Variants in TMEM132B observed in about 807,000 individuals in gnomAD.
TMEM132B encodes the protein transmembrane protein 132B.
A neutral mutation model predicts 90.8 loss-of-function variants in TMEM132B; 18 were observed. The ratio of observed to expected loss-of-function variants is 0.20; its 90% CI spans 0.14 to 0.29. The LOEUF (loss-of-function observed/expected upper bound fraction) is 0.29. Ranked by LOEUF, TMEM132B falls within the 10% of genes least tolerant of loss-of-function variation. The pLI, the probability that TMEM132B is intolerant of heterozygous loss-of-function variation, is 1.00. For synonymous variants in TMEM132B, 504 were observed against 523.3 expected, an observed-to-expected ratio of 0.96 and a Z score of 0.50; for missense variants, 1,096 against 1,326.8, an observed-to-expected ratio of 0.83 and a Z score of 2.70.
chr12:125,264,760 C>A (rs1335806518), intron 1 of TMEM132B, among the ~76,000 whole-genome samples: 1 of 152,232 alleles, frequency 6.6e-6, no homozygotes, highest in Non-Finnish European at 1.5e-5. Context: ...GTCTGCTTCT[C>A]CTTCACCCCC....
intron 1 of TMEM132B, among the ~76,000 whole-genome samples, chr12:125,192,303 T>G (rs933273213): frequency 6.6e-5 from 10 of 152,216 alleles, no homozygotes; most frequent in African/African-American, 2.2e-4. Flanking sequence ...CTGGTGTGTC[T>G]GTCCCAGAGT....
rs1056433733 is a variant in TMEM132B at position 125,553,560 on chromosome 12, G to T, written c.1294-30291G>T. Among the ~76,000 whole-genome samples the T allele has an allele frequency of 7.9e-5, 12 of 152,320 alleles. No homozygotes were observed. In the South Asian group the frequency reaches 1.9e-3, roughly 24 times the overall value. On this transcript the variant is annotated intron_variant, in intron 4 of 8. Coordinates refer to ENST00000682704, the MANE Select transcript of TMEM132B (RefSeq NM_001366854.1). ...CCCTGGAAGTTGGATAGTTCACATT[G>T]GGTGGGGTCTGACGGAGGAAAGTCA... is the stretch of plus-strand genomic sequence containing the variant.
chr12:125,437,226 C>T (rs562338774), intron 3 of TMEM132B, among the ~76,000 whole-genome samples: 3 of 152,200 alleles, frequency 2.0e-5, no homozygotes, highest in Non-Finnish European at 4.4e-5. Context: ...CTTTCCCTGG[C>T]CTGCTCGTGG....
At chr12:125,562,149 G>A (rs2136797659) in intron 4 of TMEM132B, among the ~76,000 whole-genome samples, 1 of 152,298 alleles carries the variant, frequency 6.6e-6, no homozygotes, top group East Asian at 1.9e-4. Flanking sequence ...ATGTTACAAA[G>A]ACAGTTTATT....
At chr12:125,220,804 C>T (rs542627447) in intron 1 of TMEM132B, among the ~76,000 whole-genome samples, 2 of 152,350 alleles carry the variant, frequency 1.3e-5, no homozygotes, top group East Asian at 3.9e-4. Context: ...CATCCCTCCT[C>T]TGCTCCAAAC....
chr12:125,480,471 C>T (rs954987611), intron 3 of TMEM132B, among the ~76,000 whole-genome samples: 20 of 152,174 alleles, frequency 1.3e-4, no homozygotes, highest in African/African-American at 4.8e-4. Context: ...TCAGAGAATA[C>T]TATAAACACC....
At chr12:125,555,602 A>G (rs1884358133) in intron 4 of TMEM132B, among the ~76,000 whole-genome samples, 1 of 149,772 alleles carries the variant, frequency 6.7e-6, no homozygotes, top group Non-Finnish European at 1.5e-5. Context: ...ATTAGGAGAT[A>G]TACCTAATGT....
At chr12:125,302,257 A>G (rs1336948657) in intron 1 of TMEM132B, among the ~76,000 whole-genome samples, 1 of 151,574 alleles carries the variant, frequency 6.6e-6, no homozygotes, top group East Asian at 1.9e-4. Flanking sequence ...CCCAGCTACT[A>G]GGGAGGCTGA....
chr12:125,515,726 A>T (rs1477957362), intron 3 of TMEM132B, among the ~76,000 whole-genome samples: 2 of 151,908 alleles, frequency 1.3e-5, no homozygotes, highest in African/African-American at 4.8e-5. Context: ...ACGTTCTCAC[A>T]CACATTCACA....
In TMEM132B at chr12:125,209,234, G is replaced by A. The variant is rs754537599; in HGVS notation, c.67+22368G>A. 1.8e-4 allele frequency among the ~76,000 whole-genome samples: 28 copies of A among 152,318 alleles called. No homozygotes were observed. Among genetic ancestry groups the A allele is most frequent in the Admixed American group, 6.5e-4 (10 of 15,306 alleles). ...CTGAGCCTGGGTGCACACGAGGGCC[G>A]CTCTCTTTCTGTAAATGAATGTTGG... On this transcript the variant is annotated intron_variant, in intron 1 of 8. Transcript: ENST00000682704. The surrounding 1 kb of genome is among the most constrained non-coding windows in gnomAD (Gnocchi z 4.4).
intron 1 of TMEM132B, among the ~76,000 whole-genome samples, chr12:125,316,618 C>CTTTTTTTTATTTTTTTTTTTTTT (rs1555239077): frequency 6.6e-6 from 1 of 150,858 alleles, no homozygotes; most frequent in South Asian, 2.1e-4. Flanking sequence ...AGATGATTTT[C>CTTTTTTTTATTTTTTTTTTTTTT]AGCTGAGGTC....
rs1363896791 is a variant in TMEM132B at position 125,381,032 on chromosome 12, CAG to C, written c.959+30697_959+30698del. Among the ~76,000 whole-genome samples the C allele has an allele frequency of 2.6e-5, 4 of 152,250 alleles. 1 individual carries two copies. Among genetic ancestry groups the C allele is most frequent in the African/African-American group, 9.6e-5 (4 of 41,558 alleles). On this transcript the variant is annotated intron_variant, in intron 2 of 8. Coordinates refer to ENST00000682704, the MANE Select transcript of TMEM132B (RefSeq NM_001366854.1). Reference sequence around the variant, plus strand: ...CAGATGCTTAATGGTACAAGAGATACAGAGAGAGAAAGGAAGACACCAAATTT... The same window carrying C: ...CAGATGCTTAATGGTACAAGAGATACAGAGAGAAAGGAAGACACCAAATTT...
chr12:125,602,869 C>T (rs964552911), intron 5 of TMEM132B, among the ~76,000 whole-genome samples: 2 of 151,956 alleles, frequency 1.3e-5, no homozygotes, highest in East Asian at 3.9e-4. Flanking sequence ...ACAGTTACTA[C>T]AAAGAGAATA....
intron 1 of TMEM132B, among the ~76,000 whole-genome samples, chr12:125,221,441 G>T (rs1873554939): frequency 6.6e-6 from 1 of 152,104 alleles, no homozygotes; most frequent in African/African-American, 2.4e-5. Flanking sequence ...CAGTGCCTAG[G>T]GCTCATGACT....
At chr12:125,634,840 G>C (rs568501599) in intron 5 of TMEM132B, among the ~76,000 whole-genome samples, 1 of 152,164 alleles carries the variant, frequency 6.6e-6, no homozygotes, top group African/African-American at 2.4e-5. Flanking sequence ...CTCCTCAAGT[G>C]GAGGGAAGGG....
intron 2 of TMEM132B, among the ~76,000 whole-genome samples, chr12:125,405,768 G>A (rs1285462506): frequency 6.6e-6 from 1 of 152,216 alleles, no homozygotes; most frequent in Non-Finnish European, 1.5e-5. Context: ...GCTGTAAAGA[G>A]GATTAAATAT....
intron 1 of TMEM132B, among the ~76,000 whole-genome samples, chr12:125,318,845 A>G (rs1255094061): frequency 1.3e-5 from 2 of 152,250 alleles, no homozygotes; most frequent in Non-Finnish European, 2.9e-5. Flanking sequence ...TCACTGTATT[A>G]TAAAAATCCT....
chr12:125,217,549 C>T (rs1295381751), intron 1 of TMEM132B, among the ~76,000 whole-genome samples: 3 of 152,128 alleles, frequency 2.0e-5, no homozygotes, highest in African/African-American at 7.2e-5. Flanking sequence ...CAGGCTTAGG[C>T]GATCCTCCCG....
rs190422355 is a variant in TMEM132B, at chr12:125,518,761, C to T, written c.1107-678C>T. 3.4e-3 allele frequency among the ~76,000 whole-genome samples: 517 copies of T among 151,138 alleles called. 2 individuals carry two copies. The highest frequency in any genetic ancestry group is 6.0e-3 in the Non-Finnish European group (409 of 68,012). On this transcript the variant is annotated intron_variant, in intron 3 of 8. Transcript: ENST00000682704. ...CCCCACCTGCAAACACACATATGAT[C>T]TTGTCATTCCATGAATTAAGGCAGG... is the stretch of plus-strand genomic sequence containing the variant.
Sources: allele counts gnomAD v4.1 joint callset (sites outside exome capture counted in the v4.1 genomes callset), GRCh38; gene constraint gnomAD v4.1.1; non-coding constraint Gnocchi (gnomAD v3.1); transcripts MANE v1.5; gene names NCBI Gene and HGNC (gene_info 2026-07-23, HGNC 2026-07-21).